Variants in NBAS observed in about 807,000 individuals in gnomAD.
The protein encoded by NBAS is NBAS subunit of NRZ tethering complex.
NBAS carries 219 observed loss-of-function variants against 302.5 expected under a neutral mutation model. The observed-to-expected ratio is 0.72, with a 90% CI of 0.65 to 0.81. NBAS has a LOEUF of 0.81. Among genes scored for constraint, NBAS ranks in the 30% least tolerant of loss-of-function variants. NBAS has a pLI of 0.00. For synonymous variants in NBAS, 1,118 were observed against 1,021.6 expected (o/e 1.09, Z -1.80); for missense variants, 2,932 against 2,841.6 (o/e 1.03, Z -0.72).
chr2:14,909,366 T>TAAAAAA, the NBAS span, among the ~76,000 whole-genome samples: 227 of 78,510 alleles, frequency 2.9e-3, 17 homozygotes, highest in African/African-American at 0.012. Flanking sequence ...GGAGAGTTTC[T>TAAAAAA]AAAAAAAAAA....
At chr2:15,514,335 T>C (rs925164874) in intron 9 of NBAS, among the ~76,000 whole-genome samples, 1 of 152,110 alleles carries the variant, frequency 6.6e-6, no homozygotes, top group African/African-American at 2.4e-5. Flanking sequence ...GTCCATTTGA[T>C]AGGAAAAAAA....
chr2:15,396,051 ACT>A (rs1471887207), intron 27 of NBAS, among the ~76,000 whole-genome samples: 10 of 152,248 alleles, frequency 6.6e-5, no homozygotes, highest in African/African-American at 2.4e-4. Flanking sequence ...TGCTGCAGGA[ACT>A]AACATTTCTT....
intron 10 of NBAS, among the ~76,000 whole-genome samples, chr2:15,506,089 G>GC (rs2148639707): frequency 6.6e-6 from 1 of 151,950 alleles, no homozygotes; most frequent in Non-Finnish European, 1.5e-5. Context: ...AAGGAAATGA[G>GC]ATAAAAGGGA....
rs368564832 is a variant in NBAS at position 15,538,536 on chromosome 2, T to C, written c.513+687A>G. Among the ~76,000 whole-genome samples the C allele has an allele frequency of 4.5e-4, 68 of 152,318 alleles. 1 individual carries two copies. In the South Asian group the frequency reaches 0.014, roughly 32 times the overall value. On this transcript the variant is annotated intron_variant, in intron 7 of 51. Coordinates refer to ENST00000281513, the MANE Select transcript of NBAS (RefSeq NM_015909.4). ...TGGGCAATCTGGTAATTTGTTTTTT[T>C]CTTTTCCTTATAAAGCTCCCCAGGT...
the NBAS span, among the ~76,000 whole-genome samples, chr2:14,804,847 G>A: frequency 1.0e-3 from 155 of 152,302 alleles, no homozygotes; most frequent in African/African-American, 3.5e-3. Flanking sequence ...AGGTTAGATA[G>A]TTAGAAATAA....
intron 3 of NBAS, among the ~76,000 whole-genome samples, chr2:15,554,815 T>G (rs114352909): frequency 1.3e-5 from 2 of 151,862 alleles, no homozygotes; most frequent in African/African-American, 2.4e-5. Flanking sequence ...AAATCTCCTA[T>G]GAAAAAGTAA....
chr2:15,290,872 G>A (rs564233235), intron 41 of NBAS, among the ~76,000 whole-genome samples: 87 of 152,186 alleles, frequency 5.7e-4, no homozygotes, highest in African/African-American at 1.6e-3. Context: ...GCCATGCCTC[G>A]TTCTAAAGAT....
intron 5 of NBAS, 105 bp downstream of exon 5, chr2:15,553,321 T>C: frequency 9.4e-7 from 1 of 1,063,218 alleles, no homozygotes; most frequent in Non-Finnish European, 1.4e-6. Context: ...GAGTTAATAA[T>C]AAAATCCTTT....
At chr2:15,232,921 A>AACAGTTC (rs1667441292) in intron 46 of NBAS, among the ~76,000 whole-genome samples, 1 of 152,162 alleles carries the variant, frequency 6.6e-6, no homozygotes, top group Non-Finnish European at 1.5e-5. Flanking sequence ...GGCAATGCTA[A>AACAGTTC]ACAGTTCACA....
At chr2:15,115,298 T>C in the NBAS span, among the ~76,000 whole-genome samples, 1 of 152,186 alleles carries the variant, frequency 6.6e-6, no homozygotes, top group Non-Finnish European at 1.5e-5. Flanking sequence ...ACAATGCCTA[T>C]AACATGGCAA....
the NBAS span, among the ~76,000 whole-genome samples, chr2:14,785,170 G>C: frequency 3.3e-5 from 5 of 152,280 alleles, no homozygotes; most frequent in East Asian, 9.7e-4. Flanking sequence ...CATTGATTTT[G>C]TATCCTGAGA....
the NBAS span, among the ~76,000 whole-genome samples, chr2:15,052,086 C>T: frequency 6.6e-6 from 1 of 152,188 alleles, no homozygotes; most frequent in South Asian, 2.1e-4. Flanking sequence ...CCAGACTTTA[C>T]TCATCTTTGT....
At chr2:15,088,601 A>G in the NBAS span, among the ~76,000 whole-genome samples, 1 of 152,210 alleles carries the variant, frequency 6.6e-6, no homozygotes, top group African/African-American at 2.4e-5. Flanking sequence ...ACTGTCCTCA[A>G]CACACTGCAA....
the NBAS span, among the ~76,000 whole-genome samples, chr2:15,024,942 T>C: frequency 6.6e-6 from 1 of 152,214 alleles, no homozygotes; most frequent in Admixed American, 6.5e-5. Context: ...TAGTTTCCTT[T>C]TCTGTGCAGA....
the NBAS span, among the ~76,000 whole-genome samples, chr2:14,824,039 T>C: frequency 6.6e-6 from 1 of 152,214 alleles, no homozygotes; most frequent in Non-Finnish European, 1.5e-5. Flanking sequence ...AAAAGGCCAC[T>C]GCCCAGAGCC....
At chr2:15,373,134 T>C (rs970568743) in intron 31 of NBAS, among the ~76,000 whole-genome samples, 5 of 152,128 alleles carry the variant, frequency 3.3e-5, no homozygotes, top group Admixed American at 1.3e-4. Context: ...TTGAAAAAAG[T>C]AAACCTGATC....
intron 28 of NBAS, chr2:15,393,817 T>C (rs1656449112): frequency 2.3e-6 from 1 of 439,340 alleles, no homozygotes; most frequent in Non-Finnish European, 4.7e-6. Flanking sequence ...AATCACAAAA[T>C]AATTATACTG....
intron 47 of NBAS, among the ~76,000 whole-genome samples, chr2:15,224,189 T>C (rs1667066872): frequency 1.3e-5 from 2 of 152,170 alleles, no homozygotes; most frequent in Admixed American, 6.5e-5. Flanking sequence ...TATTATGTAA[T>C]GTAGCATGGA....
the NBAS span, among the ~76,000 whole-genome samples, chr2:15,145,084 T>A: frequency 2.6e-5 from 4 of 152,182 alleles, no homozygotes; most frequent in South Asian, 8.3e-4. Flanking sequence ...CAATTTTTAA[T>A]TTAGATAGAA....
Sources: allele counts gnomAD v4.1 joint callset (sites outside exome capture counted in the v4.1 genomes callset), GRCh38; gene constraint gnomAD v4.1.1; transcripts MANE v1.5; gene names NCBI Gene and HGNC (gene_info 2026-07-23, HGNC 2026-07-21).